CMTM7: variants seen among roughly 807,000 people sequenced by gnomAD.
CMTM7 encodes CKLF like MARVEL transmembrane domain containing 7.
A neutral mutation model predicts 19.3 loss-of-function variants in CMTM7; 7 were observed. The ratio of observed to expected loss-of-function variants is 0.36; its 90% CI spans 0.21 to 0.68. CMTM7 has a LOEUF of 0.68. Ranked by LOEUF, CMTM7 falls within the 30% of genes least tolerant of loss-of-function variation. The pLI, the probability that CMTM7 is intolerant of heterozygous loss-of-function variation, is 0.60. For synonymous variants in CMTM7, 87 were observed against 99.3 expected (o/e 0.88, Z 0.74); for missense variants, 193 against 232.6 (o/e 0.83, Z 1.11).
chr3:32,416,765 T>C (rs1326670943), intron 1 of CMTM7, among the ~76,000 whole-genome samples: 14 of 151,802 alleles, frequency 9.2e-5, no homozygotes. Context: ...ACTGTGAGTG[T>C]TGGGGGCTGT....
At chr3:32,415,494 C>T (rs1696247152) in intron 1 of CMTM7, among the ~76,000 whole-genome samples, 1 of 152,226 alleles carries the variant, frequency 6.6e-6, no homozygotes, top group African/African-American at 2.4e-5. Context: ...CTCTTCATCT[C>T]CTGATAAGGG....
intron 1 of CMTM7, among the ~76,000 whole-genome samples, chr3:32,404,683 G>A (rs1696064437): frequency 1.3e-5 from 2 of 152,168 alleles, no homozygotes; most frequent in African/African-American, 2.4e-5. Flanking sequence ...AGCCCACCAT[G>A]GTATGCACAC....
At chr3:32,400,669 G>A (rs935973418) in intron 1 of CMTM7, among the ~76,000 whole-genome samples, 4 of 152,140 alleles carry the variant, frequency 2.6e-5, no homozygotes, top group African/African-American at 9.7e-5. Flanking sequence ...GGGATTACAG[G>A]TGTGACCCAC....
intron 1 of CMTM7, among the ~76,000 whole-genome samples, chr3:32,420,978 C>G (rs1475012937): frequency 6.6e-6 from 1 of 152,136 alleles, no homozygotes; most frequent in Non-Finnish European, 1.5e-5. Context: ...TCTGGACCCT[C>G]CCACTGGAGG....
chr3:32,398,650 G>C (rs1206307559), intron 1 of CMTM7, among the ~76,000 whole-genome samples: 1 of 151,894 alleles, frequency 6.6e-6, no homozygotes, highest in Non-Finnish European at 1.5e-5. Context: ...CTGAGGAAGG[G>C]ACATCTGATG....
In CMTM7 at chr3:32,416,361, A is replaced by ATTTTTTTTTT. The variant is rs58085712; in HGVS notation, c.159+24323_159+24332dup. 1.3e-3 allele frequency among the ~76,000 whole-genome samples: 95 copies of ATTTTTTTTTT among 72,422 alleles called. 4 individuals carry two copies. The highest frequency in any genetic ancestry group is 1.7e-3 in the Non-Finnish European group (65 of 39,338). 47.5% of individuals were successfully genotyped at this position (72,422 alleles called of 152,430 possible). A position where few individuals can be genotyped will look rare whatever the true frequency, so the allele number is the denominator to read the frequency against. On this transcript the variant is annotated intron_variant, in intron 1 of 4. Transcript: ENST00000334983. ...CAGACGTGCGCCACCATCCGGGCTA[A>ATTTTTTTTTT]TTTTTTTTTTTTTTTTTTTTTTTTT...
chr3:32,402,019 C>G (rs1696015494), intron 1 of CMTM7, among the ~76,000 whole-genome samples: 1 of 152,240 alleles, frequency 6.6e-6, no homozygotes, highest in East Asian at 1.9e-4. Flanking sequence ...CTTCCTTTTC[C>G]TGGGGCAGTC....
At chr3:32,416,273 A>C (rs879634626) in intron 1 of CMTM7, among the ~76,000 whole-genome samples, 1 of 150,658 alleles carries the variant, frequency 6.6e-6, no homozygotes, top group African/African-American at 2.5e-5. Flanking sequence ...ATCTTGACTC[A>C]CTGCAGCCTC....
chr3:32,424,765 G>A (rs1296585309), intron 1 of CMTM7, among the ~76,000 whole-genome samples: 1 of 152,004 alleles, frequency 6.6e-6, no homozygotes, highest in African/African-American at 2.4e-5. Flanking sequence ...CCCAGCCTCG[G>A]CCTTCCGAGT....
At chr3:32,417,814 GT>G (rs58360785) in intron 1 of CMTM7, among the ~76,000 whole-genome samples, 9 of 144,226 alleles carry the variant, frequency 6.2e-5, no homozygotes, top group Non-Finnish European at 1.2e-4. Flanking sequence ...TTTGTTTTTG[GT>G]TTTTTTTTTG....
intron 1 of CMTM7, among the ~76,000 whole-genome samples, chr3:32,436,248 T>G (rs112956581): frequency 2.0e-4 from 31 of 152,218 alleles, no homozygotes; most frequent in African/African-American, 7.5e-4. Context: ...TGTTGGTGAG[T>G]GAGACAGGAC....
intron 1 of CMTM7, among the ~76,000 whole-genome samples, chr3:32,410,273 G>C (rs962849174): frequency 6.6e-6 from 1 of 152,218 alleles, no homozygotes; most frequent in Non-Finnish European, 1.5e-5. Context: ...GACCTGAGCT[G>C]CAGAGGGGCA....
At chr3:32,392,856 G>A (rs1375140721) in intron 1 of CMTM7, among the ~76,000 whole-genome samples, 2 of 152,344 alleles carry the variant, frequency 1.3e-5, no homozygotes, top group East Asian at 3.9e-4. Context: ...ACGTTGCCTG[G>A]CCGATTCTCT....
chr3:32,447,366 A>G (rs1043797435), intron 2 of CMTM7, among the ~76,000 whole-genome samples: 1 of 152,176 alleles, frequency 6.6e-6, no homozygotes, highest in Non-Finnish European at 1.5e-5. Flanking sequence ...TCTGAGAAGA[A>G]TGTACTTTTA....
At chr3:32,433,802 G>A (rs1344329073) in intron 1 of CMTM7, among the ~76,000 whole-genome samples, 2 of 152,180 alleles carry the variant, frequency 1.3e-5, no homozygotes, top group Non-Finnish European at 2.9e-5. Context: ...TGGGGAAAAA[G>A]TGAGCTGTCC....
At chr3:32,442,285 C>T (rs62252083) in intron 2 of CMTM7, among the ~76,000 whole-genome samples, 109 of 151,382 alleles carry the variant, frequency 7.2e-4, no homozygotes, top group Non-Finnish European at 1.3e-3. Context: ...CTGAGGCGGG[C>T]GGATCACGAG....
rs140317705 is a variant in CMTM7 at position 32,429,695 on chromosome 3, G to A, written c.160-12145G>A. On this transcript the variant is annotated intron_variant, in intron 1 of 4. Transcript: ENST00000334983. ...GGCTCACTGCAAGCTCTGTCTCCCA[G>A]GTTGACGCCATTCTCCTGCCTCAGC... 4.0e-3 allele frequency among the ~76,000 whole-genome samples: 598 copies of A among 150,964 alleles called. 6 individuals are homozygous for A. The highest frequency in any genetic ancestry group is 0.014 in the African/African-American group (576 of 41,010).
chr3:32,395,267 A>G (rs1695898063), intron 1 of CMTM7, among the ~76,000 whole-genome samples: 1 of 152,228 alleles, frequency 6.6e-6, no homozygotes, highest in Admixed American at 6.5e-5. Flanking sequence ...GGCCTCCCCA[A>G]GTGCTGGGAT....
chr3:32,445,735 T>C (rs565018907), intron 2 of CMTM7, among the ~76,000 whole-genome samples: 7 of 152,158 alleles, frequency 4.6e-5, no homozygotes, highest in African/African-American at 1.7e-4. Context: ...AGGCTGGTCT[T>C]GAACTCTTGG....
Sources: gnomAD v4.1 joint callset for allele counts (sites outside exome capture counted in the v4.1 genomes callset) on GRCh38, gnomAD v4.1.1 for gene constraint, MANE v1.5 for transcripts, NCBI Gene and HGNC (gene_info 2026-07-23, HGNC 2026-07-21) for gene names.